PDE4B: variants seen among roughly 807,000 people sequenced by gnomAD.
PDE4B encodes 3',5'-cyclic-AMP phosphodiesterase 4B.
A neutral mutation model predicts 82.2 loss-of-function variants in PDE4B; 20 were observed. The observed-to-expected ratio is 0.24, with a 90% CI of 0.17 to 0.35. The LOEUF (loss-of-function observed/expected upper bound fraction) is 0.35. Ranked by LOEUF, PDE4B falls within the 10% of genes least tolerant of loss-of-function variation. PDE4B has a pLI of 1.00. For missense variants in PDE4B, 655 were observed against 907.2 expected, an observed-to-expected ratio of 0.72 and a Z score of 3.57; for synonymous variants, 320 against 318.9, an observed-to-expected ratio of 1.00 and a Z score of -0.04.
chr1:66,019,033 T>C (rs1652937894), intron 3 of PDE4B, among the ~76,000 whole-genome samples: 1 of 152,214 alleles, frequency 6.6e-6, no homozygotes, highest in South Asian at 2.1e-4. Context: ...GAGTTCTTAC[T>C]TACCGTTTTC....
intron 1 of PDE4B, among the ~76,000 whole-genome samples, chr1:65,884,101 T>A (rs576253608): frequency 8.5e-5 from 13 of 152,150 alleles, no homozygotes; most frequent in Admixed American, 3.3e-4. Flanking sequence ...TCATCAAGGA[T>A]ATTGGTCTAA....
chr1:66,269,536 T>C (rs1023857509), intron 7 of PDE4B, among the ~76,000 whole-genome samples: 5 of 152,036 alleles, frequency 3.3e-5, no homozygotes, highest in Non-Finnish European at 7.4e-5. Flanking sequence ...GAAAGAAAAC[T>C]CCAAAATAAG....
intron 3 of PDE4B, among the ~76,000 whole-genome samples, chr1:66,086,101 A>G (rs1227586771): frequency 2.0e-5 from 3 of 152,028 alleles, no homozygotes; most frequent in Non-Finnish European, 4.4e-5. Context: ...CTATTTTATC[A>G]GCTCAGTGGG....
intron 3 of PDE4B, among the ~76,000 whole-genome samples, chr1:66,141,749 G>T (rs1570329675): frequency 6.6e-6 from 1 of 152,088 alleles, no homozygotes; most frequent in East Asian, 1.9e-4. Context: ...GTCTTCAGTA[G>T]TGCTACCTGA....
chr1:66,213,769 G>C (rs1297077626), intron 3 of PDE4B, among the ~76,000 whole-genome samples: 1 of 152,000 alleles, frequency 6.6e-6, no homozygotes, highest in Non-Finnish European at 1.5e-5. Flanking sequence ...GTGGATTTTG[G>C]CTCCAGTATA....
chr1:66,152,526 T>C (rs1382562773), intron 3 of PDE4B: 2 of 328,812 alleles, frequency 6.1e-6, no homozygotes, highest in Non-Finnish European at 1.4e-5. Flanking sequence ...GAAACAGAAC[T>C]GATGAGGTAT....
intron 1 of PDE4B, among the ~76,000 whole-genome samples, chr1:65,909,859 C>T (rs78534800): frequency 0.089 from 13,476 of 152,106 alleles, 931 homozygotes; most frequent in East Asian, 0.35. Flanking sequence ...TTTGTCCTTA[C>T]GCTAGTAGGG....
intron 3 of PDE4B, among the ~76,000 whole-genome samples, chr1:66,116,888 G>T (rs1018729352): frequency 6.6e-6 from 1 of 152,060 alleles, no homozygotes; most frequent in African/African-American, 2.4e-5. Context: ...CTAGACAAGG[G>T]TTCATTCTGG....
Position 66,257,796 on chromosome 1 carries a change from C to T in PDE4B, c.517C>T (p.Leu173Phe), listed in dbSNP as rs1654360268. 2 of 1,612,846 alleles carry T rather than the reference C, an allele frequency of 1.2e-6. No individual in the cohort carries two copies. The highest frequency in any genetic ancestry group is 1.3e-5 in the African/African-American group (1 of 74,866). The change falls in exon 6 of 17, where the codon CTT (leucine) becomes TTT (phenylalanine). Residue 173 changes from leucine (L) to phenylalanine (F), a missense_variant. By Grantham distance (22) the Leu-to-Phe change is conservative. Coordinates refer to ENST00000341517, the MANE Select transcript of PDE4B (RefSeq NM_002600.4). ...GTTTAAAACATTTTTCTTCTAGGTCCTTGCCAGCTTGCGAAGTGTGAGAAA... is the reference window on the plus strand; with the variant it reads ...GTTTAAAACATTTTTCTTCTAGGTCTTTGCCAGCTTGCGAAGTGTGAGAAA... Reference protein sequence around the residue: ...DLIVTPFAQVLASLRSVRNNF... With the variant: ...DLIVTPFAQVFASLRSVRNNF...
chr1:65,940,827 C>T (rs1648405292), intron 3 of PDE4B, among the ~76,000 whole-genome samples: 1 of 152,020 alleles, frequency 6.6e-6, no homozygotes, highest in Middle Eastern at 3.4e-3. Context: ...ATCTGGGTTT[C>T]AGACGAGAGA....
chr1:66,350,247 G>A (rs376092656), intron 8 of PDE4B, among the ~76,000 whole-genome samples: 1 of 151,924 alleles, frequency 6.6e-6, no homozygotes, highest in South Asian at 2.1e-4. Context: ...TAATGACTTC[G>A]GCAGTTGTTT....
At chr1:65,804,128 G>A (rs1319693419) in intron 1 of PDE4B, among the ~76,000 whole-genome samples, 1 of 152,142 alleles carries the variant, frequency 6.6e-6, no homozygotes, top group Non-Finnish European at 1.5e-5. Flanking sequence ...AATGGAGATC[G>A]TAGGGGAAAG....
At chr1:66,156,315 A>G (rs1213976144) in intron 3 of PDE4B, among the ~76,000 whole-genome samples, 1 of 152,174 alleles carries the variant, frequency 6.6e-6, no homozygotes, top group Non-Finnish European at 1.5e-5. Flanking sequence ...TTGCACACAA[A>G]CAAGAAGTAG....
intron 3 of PDE4B, among the ~76,000 whole-genome samples, chr1:66,157,073 A>G (rs919848259): frequency 7.9e-5 from 12 of 152,120 alleles, no homozygotes; most frequent in African/African-American, 2.9e-4. Context: ...CAAACTTACA[A>G]TCCTAAAACT....
At chr1:66,345,199 TC>T (rs1661304604) in intron 8 of PDE4B, among the ~76,000 whole-genome samples, 1 of 152,164 alleles carries the variant, frequency 6.6e-6, no homozygotes, top group Non-Finnish European at 1.5e-5. Flanking sequence ...CAAATCTTGT[TC>T]TCTTTGCTCA....
chr1:66,309,766 T>C (rs1277051297), intron 7 of PDE4B, among the ~76,000 whole-genome samples: 1 of 152,170 alleles, frequency 6.6e-6, no homozygotes, highest in African/African-American at 2.4e-5. Context: ...GAGGAATAGG[T>C]AATTGTAAGA....
chr1:66,370,266 A>G (rs1274116864), intron 16 of PDE4B, among the ~76,000 whole-genome samples: 3 of 152,226 alleles, frequency 2.0e-5, no homozygotes, highest in Non-Finnish European at 4.4e-5. Flanking sequence ...CGAATAGCCC[A>G]AAGGCTTAAG....
chr1:65,851,794 C>G (rs1207956977), intron 1 of PDE4B, among the ~76,000 whole-genome samples: 1 of 151,788 alleles, frequency 6.6e-6, no homozygotes, highest in Non-Finnish European at 1.5e-5. Context: ...CCTTGCTGCT[C>G]TAGTGTTGAA....
chr1:66,249,410 C>T (rs936955167), intron 4 of PDE4B, among the ~76,000 whole-genome samples: 3 of 152,168 alleles, frequency 2.0e-5, no homozygotes, highest in South Asian at 2.1e-4. Flanking sequence ...TCAAGCCAAA[C>T]GGCAGGAAGA....
Sources: allele counts gnomAD v4.1 joint callset (sites outside exome capture counted in the v4.1 genomes callset), GRCh38; gene constraint gnomAD v4.1.1; transcripts MANE v1.5; gene names NCBI Gene and HGNC (gene_info 2026-07-23, HGNC 2026-07-21).